DMD: variants seen among roughly 807,000 people sequenced by gnomAD.
DMD encodes dystrophin, also known as mutant dystrophin.
Under a neutral mutation model 330.1 loss-of-function variants are expected in DMD, and 63 were observed. That is an observed-to-expected ratio of 0.19 (90% CI 0.16 to 0.24). The LOEUF (loss-of-function observed/expected upper bound fraction) is 0.24. Among genes scored for constraint, DMD ranks in the 10% least tolerant of loss-of-function variants. The pLI, the probability that DMD is intolerant of heterozygous loss-of-function variation, is 1.00. For missense variants in DMD, 3,344 were observed against 2,684.1 expected (o/e 1.25, Z -5.43); for synonymous variants, 1,223 against 959.8 (o/e 1.27, Z -5.07).
chrX:33,016,040 C>T (rs1438309411), intron 2 of DMD, among the ~76,000 whole-genome samples: 7 of 110,219 alleles, frequency 6.4e-5, no homozygotes, highest in Non-Finnish European at 1.3e-4. Flanking sequence ...TTGCCCAGGC[C>T]TTTCCTGGGC....
intron 1 of DMD, among the ~76,000 whole-genome samples, chrX:33,292,830 C>T (rs958243918): frequency 4.5e-5 from 5 of 111,096 alleles, no homozygotes; most frequent in Non-Finnish European, 9.5e-5. Flanking sequence ...TATTTTCTAA[C>T]CTCATCTCCC....
intron 1 of DMD, among the ~76,000 whole-genome samples, chrX:33,338,009 G>T (rs1347173868): frequency 8.9e-6 from 1 of 112,034 alleles, no homozygotes; most frequent in Non-Finnish European, 1.9e-5. Context: ...AGGAGACTGG[G>T]TAGAGAGCCG....
At chrX:31,845,422 T>TCTCTCTCTCTCTCTCC (rs1214050833) in intron 48 of DMD, among the ~76,000 whole-genome samples, 3 of 89,543 alleles carry the variant, frequency 3.4e-5, no homozygotes, top group African/African-American at 4.4e-5. Flanking sequence ...TCTCTCTCTC[T>TCTCTCTCTCTCTCTCC]CTCCCTCTCC....
At chrX:32,993,618 A>C (rs772917375) in intron 2 of DMD, among the ~76,000 whole-genome samples, 7 of 110,506 alleles carry the variant, frequency 6.3e-5, no homozygotes, top group Non-Finnish European at 9.5e-5. Flanking sequence ...AAAAAAAAAA[A>C]CAAATAGAAA....
intron 60 of DMD, among the ~76,000 whole-genome samples, chrX:31,442,891 T>C (rs1272766562): frequency 2.7e-5 from 3 of 111,214 alleles, no homozygotes; most frequent in African/African-American, 9.8e-5. Context: ...TATAACAATC[T>C]AGAATACAAA....
intron 64 of DMD, among the ~76,000 whole-genome samples, chrX:31,222,218 C>G (rs375358426): frequency 9.8e-6 from 1 of 102,081 alleles, no homozygotes; most frequent in East Asian, 3.1e-4. Context: ...AACAAACAAA[C>G]AAACAAACAA....
chrX:32,344,043 G>A (rs2097756282), intron 39 of DMD, among the ~76,000 whole-genome samples: 1 of 111,888 alleles, frequency 8.9e-6, no homozygotes, highest in African/African-American at 3.2e-5. Flanking sequence ...AAATCAATGT[G>A]ATAAGACTAA....
At chrX:32,356,815 T>C (rs368898972) in intron 37 of DMD, among the ~76,000 whole-genome samples, 4 of 112,167 alleles carry the variant, frequency 3.6e-5, no homozygotes, top group African/African-American at 1.3e-4. Context: ...AAAGTTTGTT[T>C]AGTCAAAATT....
intron 30 of DMD, among the ~76,000 whole-genome samples, chrX:32,393,454 A>G (rs766845178): frequency 3.6e-5 from 4 of 111,797 alleles, no homozygotes; most frequent in Non-Finnish European, 5.6e-5. Context: ...TCAAAATTTG[A>G]AATTGATCAT....
Position 33,076,293 on chromosome X carries a change from T to C in DMD, c.32-56093A>G, listed in dbSNP as rs905968430. Reference sequence around the variant, plus strand: ...TCAGGGAGACTGATTTGAGTAATAATAAAACTCCAGTCTCCCATACAGCCT... The same window carrying C: ...TCAGGGAGACTGATTTGAGTAATAACAAAACTCCAGTCTCCCATACAGCCT... On this transcript the variant is annotated intron_variant, in intron 1 of 78. Transcript: ENST00000357033. 2.7e-5 allele frequency among the ~76,000 whole-genome samples: 3 copies of C among 111,661 alleles called. No homozygotes were observed. The East Asian group carries it at 8.5e-4, about 32-fold the overall frequency.
At chrX:31,614,008 C>T (rs1159372229) in intron 55 of DMD, among the ~76,000 whole-genome samples, 1 of 112,324 alleles carries the variant, frequency 8.9e-6, no homozygotes, top group Non-Finnish European at 1.9e-5. Flanking sequence ...AATAAGAACA[C>T]TTGTTTTCCA....
intron 30 of DMD, among the ~76,000 whole-genome samples, chrX:32,410,122 A>G (rs1603632851): frequency 9.0e-6 from 1 of 111,534 alleles, no homozygotes; most frequent in East Asian, 2.8e-4. Flanking sequence ...TAAACCTATC[A>G]CACTTACCCT....
chrX:31,257,977 C>T (rs1005280353), intron 63 of DMD, among the ~76,000 whole-genome samples: 1 of 111,477 alleles, frequency 9.0e-6, no homozygotes, highest in Admixed American at 9.6e-5. Context: ...AGGATGTAGC[C>T]ATATAACAAT....
chrX:31,652,915 A>G (rs2080541760), intron 54 of DMD, among the ~76,000 whole-genome samples: 1 of 111,241 alleles, frequency 9.0e-6, no homozygotes, highest in Non-Finnish European at 1.9e-5. Flanking sequence ...AAAAAATGAT[A>G]TACTAAAAAA....
intron 44 of DMD, among the ~76,000 whole-genome samples, chrX:32,064,320 C>T (rs1371071411): frequency 1.8e-5 from 2 of 110,947 alleles, no homozygotes; most frequent in Admixed American, 9.6e-5. Flanking sequence ...AAGAATCATT[C>T]GTTTCTCTAT....
Position 31,209,542 on chromosome X carries a change from G to A in DMD, c.9519C>T (p.Leu3173=). The stretch of plus-strand genomic sequence containing the variant: ...GCCAGTTCAGACACATATCCACGCA[G>A]AGAGGGACGTTGACCAAATTGTTGT... ...QEHNNLVNVP[L]CVDMCLNWLL... is the part of the protein sequence containing the mutation. The change falls in exon 65 of 79, where the codon CTC becomes CTT. Residue 3173 remains leucine, a synonymous_variant. Coordinates refer to ENST00000357033, the MANE Select transcript of DMD (RefSeq NM_004006.3). The A allele has an allele frequency of 8.3e-7, 1 of 1,211,312 alleles. No homozygotes were observed.
intron 60 of DMD, among the ~76,000 whole-genome samples, chrX:31,400,776 C>T (rs1471983412): frequency 8.9e-6 from 1 of 112,190 alleles, no homozygotes; most frequent in Admixed American, 9.5e-5. Flanking sequence ...CTTTTCTTAG[C>T]TTTTCGACTT....
intron 63 of DMD, among the ~76,000 whole-genome samples, chrX:31,258,315 T>C (rs1316734586): frequency 4.4e-5 from 5 of 112,417 alleles, no homozygotes; most frequent in African/African-American, 1.6e-4. Context: ...TGCAGGTTGG[T>C]TGCTGGCACA....
intron 1 of DMD, among the ~76,000 whole-genome samples, chrX:33,108,601 C>G (rs944644984): frequency 1.9e-5 from 2 of 106,043 alleles, no homozygotes; most frequent in Non-Finnish European, 3.9e-5. Context: ...TTTGGCTGGC[C>G]GCGGTGGCTC....
Sources: allele counts gnomAD v4.1 joint callset (sites outside exome capture counted in the v4.1 genomes callset), GRCh38; gene constraint gnomAD v4.1.1; transcripts MANE v1.5; gene names NCBI Gene and HGNC (gene_info 2026-07-23, HGNC 2026-07-21).